The following LYPD1 variants were observed in gnomAD, a reference collection of about 807,000 sequenced individuals.
The protein encoded by LYPD1 is LY6/PLAUR domain containing 1, also known as ly6/PLAUR domain-containing protein 1.
Under a neutral mutation model 14.2 loss-of-function variants are expected in LYPD1, and 14 were observed. That is an observed-to-expected ratio of 0.99 (90% CI 0.65 to 1.54). The LOEUF (loss-of-function observed/expected upper bound fraction) is 1.54, where lower values mean the gene tolerates loss of function less well. LYPD1 is among the 40% of genes most tolerant of loss of function. LYPD1 has a pLI of 0.00. For synonymous variants in LYPD1, 85 were observed against 70.6 expected (o/e 1.20, Z -1.02); for missense variants, 165 against 175.7 (o/e 0.94, Z 0.34).
rs768681041 is a variant in LYPD1 at position 132,645,301 on chromosome 2, C to T, written c.*744G>A. 2.5e-6 allele frequency: 4 copies of T among 1,614,074 alleles called. No individual in the cohort carries two copies. The African/African-American group carries it at 4.0e-5, about 16-fold the overall frequency. On this transcript the variant is annotated 3_prime_UTR_variant, in exon 3 of 3. Coordinates refer to ENST00000397463, the MANE Select transcript of LYPD1 (RefSeq NM_144586.7). ...CACGGTGTCCTCGCAGCAGTTTCGGCGGGTGTTCGTGCAGGTGCTGTGCTG... is the reference window on the plus strand; with the variant it reads ...CACGGTGTCCTCGCAGCAGTTTCGGTGGGTGTTCGTGCAGGTGCTGTGCTG...
intron 2 of LYPD1, among the ~76,000 whole-genome samples, chr2:132,668,136 G>A (rs1385867551): frequency 1.3e-5 from 2 of 152,160 alleles, no homozygotes; most frequent in East Asian, 1.9e-4. Context: ...GGAGGTGAAG[G>A]GAGTAAATAA....
rs1004779751 is a variant in LYPD1, at chr2:132,645,623, C to G, written c.*422G>C. ...GAAGTTTGAATGTCAAGCGAGGGAG[C>G]CTTGAGTGGGAACTGGCCCTCCAGC... On this transcript the variant is annotated 3_prime_UTR_variant, in exon 3 of 3. Transcript: ENST00000397463. The G allele has an allele frequency of 6.3e-7, 1 of 1,599,708 alleles. No homozygotes were observed. Among genetic ancestry groups the G allele is most frequent in the Non-Finnish European group, 8.5e-7 (1 of 1,172,862 alleles).
chr2:132,660,269 A>G (rs1682857821), intron 2 of LYPD1, among the ~76,000 whole-genome samples: 1 of 152,050 alleles, frequency 6.6e-6, no homozygotes, highest in South Asian at 2.1e-4. Flanking sequence ...AAAGTCATAA[A>G]CCCCTTGAAA....
At chr2:132,656,251 C>T (rs1682590654) in intron 2 of LYPD1, among the ~76,000 whole-genome samples, 1 of 152,162 alleles carries the variant, frequency 6.6e-6, no homozygotes, top group Admixed American at 6.5e-5. Context: ...TTACTTTTTA[C>T]CCATGTTATG....
In LYPD1 at chr2:132,669,753, C is replaced by T. The variant is rs1292835581; in HGVS notation, c.52+128G>A. On this transcript the variant is annotated intron_variant, in intron 1 of 2. Transcript: ENST00000397463. The surrounding 1 kb of genome is among the most constrained non-coding windows in gnomAD (Gnocchi z 4.3). ...CGCGCCCCGGGGCACCAGTCGCGGC[C>T]GCCAACTCCCGCTGGGCAGCCCCAG... 2.7e-6 allele frequency: 4 copies of T among 1,462,518 alleles called. No homozygotes were observed. Among genetic ancestry groups the T allele is most frequent in the East Asian group, 5.7e-5 (2 of 35,368 alleles). 90.6% of individuals were successfully genotyped at this position (1,462,518 alleles called of 1,614,324 possible). A position where few individuals can be genotyped will look rare whatever the true frequency, so the allele number is the denominator to read the frequency against.
At chr2:132,667,900 G>A (rs1683376599) in intron 2 of LYPD1, among the ~76,000 whole-genome samples, 1 of 152,230 alleles carries the variant, frequency 6.6e-6, no homozygotes, top group African/African-American at 2.4e-5. Flanking sequence ...GGCAATTTGT[G>A]CCTGGAAGTT....
intron 2 of LYPD1, among the ~76,000 whole-genome samples, chr2:132,652,854 T>G (rs1324886674): frequency 1.3e-5 from 2 of 152,210 alleles, no homozygotes; most frequent in African/African-American, 2.4e-5. Context: ...TTGTTCTCCC[T>G]GAGGAAGTCA....
rs778258456 is a variant in LYPD1, at chr2:132,645,156, C to CA, written c.*888dup. ...GGATGCCCAACCAGATTCGGAGGAT[C>CA]ATGGCTGCGGCCAAACCCAAGCACG... On this transcript the variant is annotated 3_prime_UTR_variant, in exon 3 of 3. Transcript: ENST00000397463. The CA allele has an allele frequency of 3.7e-6, 6 of 1,614,050 alleles. No homozygotes were observed. The highest frequency in any genetic ancestry group is 4.2e-6 in the Non-Finnish European group (5 of 1,180,030).
rs1231854916 is a variant in LYPD1 at position 132,644,911 on chromosome 2, AAC to A, written c.*1132_*1133del. ...ACACAGCCAACTCCCCCGGGTTTGA[AAC>A]AGTGTTAAATTCTCTCTTGCTTGTG... On this transcript the variant is annotated 3_prime_UTR_variant, in exon 3 of 3. Transcript: ENST00000397463. 1.6e-5 allele frequency: 10 copies of A among 626,116 alleles called. No homozygotes were observed. The highest frequency in any genetic ancestry group is 2.5e-5 in the Non-Finnish European group (9 of 366,794). 38.8% of individuals were successfully genotyped at this position (626,116 alleles called of 1,614,324 possible).
In LYPD1 at chr2:132,645,944, C is replaced by T. The variant is rs531176133; in HGVS notation, c.*101G>A. The stretch of plus-strand genomic sequence containing the variant: ...AGAACACGGACTCCCGCTCCCTACC[C>T]AGAATAAAAGGACACCCAGAAGAAA... On this transcript the variant is annotated 3_prime_UTR_variant, in exon 3 of 3. Coordinates refer to ENST00000397463, the MANE Select transcript of LYPD1 (RefSeq NM_144586.7). The T allele has an allele frequency of 1.5e-5, 13 of 881,066 alleles. No homozygotes were observed. In the East Asian group the frequency reaches 3.0e-4, roughly 20 times the overall value. The allele number at this position is 881,066 out of a possible 1,614,324, so 54.6% of individuals were successfully genotyped here.
Position 132,669,134 on chromosome 2 carries a change from G to A in LYPD1, c.53-597C>T, listed in dbSNP as rs1683474751. 6.6e-6 allele frequency among the ~76,000 whole-genome samples: 1 copy of A among 152,058 alleles called. No homozygotes were observed. The highest frequency in any genetic ancestry group is 1.5e-5 in the Non-Finnish European group (1 of 68,006). ...GAGCCCGGGTCGGCGGCCCTTCTCC[G>A]GGGCCGTCCCCGCGGCGACCCGAAT... On this transcript the variant is annotated intron_variant, in intron 1 of 2. Coordinates refer to ENST00000397463, the MANE Select transcript of LYPD1 (RefSeq NM_144586.7). This position sits in a 1 kb window ranked among gnomAD's most constrained non-coding sequence, Gnocchi z 4.3.
chr2:132,658,953 G>GGT lies in LYPD1; in HGVS notation c.190+9445_190+9446dup, dbSNP rs3043652. ...CCACCATATAAGCTGGTGTTGTAGA[G>GGT]GTGTGTGTGTGTGTGTGTGTTTCTT... is the stretch of plus-strand genomic sequence containing the variant. On this transcript the variant is annotated intron_variant, in intron 2 of 2. Coordinates refer to ENST00000397463, the MANE Select transcript of LYPD1 (RefSeq NM_144586.7). 2.1e-3 allele frequency among the ~76,000 whole-genome samples: 319 copies of GGT among 150,938 alleles called. 2 individuals carry two copies. In the South Asian group the frequency reaches 0.024, roughly 11 times the overall value.
At chr2:132,647,508 G>T (rs1036060203) in intron 2 of LYPD1, among the ~76,000 whole-genome samples, 44 of 152,146 alleles carry the variant, frequency 2.9e-4, no homozygotes, top group Non-Finnish European at 8.8e-5. Context: ...AACTTTTGTA[G>T]TTTTAGTAGA....
At position 132,644,872 on chromosome 2, in the gene LYPD1, A is replaced by G. The variant is rs899633111; in HGVS notation, c.*1173T>C. ...ATAAATACACTGTCTAAAGCATTTAATGGTCTTTCTTTAACACAGCCAACT... is the reference window on the plus strand; with the variant it reads ...ATAAATACACTGTCTAAAGCATTTAGTGGTCTTTCTTTAACACAGCCAACT... On this transcript the variant is annotated 3_prime_UTR_variant, in exon 3 of 3. Coordinates refer to ENST00000397463, the MANE Select transcript of LYPD1 (RefSeq NM_144586.7). 2.3e-5 allele frequency: 13 copies of G among 565,686 alleles called. No homozygotes were observed. Among genetic ancestry groups the G allele is most frequent in the African/African-American group, 1.9e-4 (10 of 53,102 alleles). The allele number at this position is 565,686 out of a possible 1,614,324, so 35.0% of individuals were successfully genotyped here.
chr2:132,646,378 C>T, intron 2 of LYPD1, 98 bp from the exon 3 acceptor site: 1 of 726,770 alleles, frequency 1.4e-6, no homozygotes, highest in South Asian at 3.7e-5. Flanking sequence ...TTCCTTACTC[C>T]TCCCACAGCC....
Position 132,644,809 on chromosome 2 carries a change from T to C in LYPD1, c.*1236A>G. 1 of 368,268 alleles carries C rather than the reference T, an allele frequency of 2.7e-6. No homozygotes were observed. The highest frequency in any genetic ancestry group is 5.7e-5 in the South Asian group (1 of 17,548). 22.8% of individuals were successfully genotyped at this position (368,268 alleles called of 1,614,324 possible). A position where few individuals can be genotyped will look rare whatever the true frequency, so the allele number is the denominator to read the frequency against. The stretch of plus-strand genomic sequence containing the variant: ...TTCTGGATACGCAAACAAACACCAA[T>C]GAAAACATTTTTTTAAAATTAACAG... On this transcript the variant is annotated 3_prime_UTR_variant, in exon 3 of 3. Coordinates refer to ENST00000397463, the MANE Select transcript of LYPD1 (RefSeq NM_144586.7).
intron 2 of LYPD1, among the ~76,000 whole-genome samples, chr2:132,649,890 T>A (rs1682286823): frequency 1.3e-5 from 2 of 152,046 alleles, no homozygotes; most frequent in Non-Finnish European, 2.9e-5. Flanking sequence ...ATTTTTTTTT[T>A]ATGTAAGAGT....
intron 2 of LYPD1, among the ~76,000 whole-genome samples, chr2:132,664,218 A>G (rs1683134109): frequency 6.6e-6 from 1 of 152,186 alleles, no homozygotes; most frequent in Admixed American, 6.5e-5. Context: ...ACTAGAGCCT[A>G]TCATTTTAGA....
intron 2 of LYPD1, among the ~76,000 whole-genome samples, chr2:132,667,149 A>G (rs1573759805): frequency 1.3e-5 from 2 of 152,316 alleles, no homozygotes; most frequent in African/African-American, 4.8e-5. Flanking sequence ...GTTTTGCATC[A>G]TTAATAGCCC....
Sources: gnomAD v4.1 joint callset for allele counts (sites outside exome capture counted in the v4.1 genomes callset) on GRCh38, gnomAD v4.1.1 for gene constraint, Gnocchi (gnomAD v3.1) non-coding constraint, MANE v1.5 for transcripts, NCBI Gene and HGNC (gene_info 2026-07-23, HGNC 2026-07-21) for gene names.